Variants in CDH12 observed in about 807,000 individuals in gnomAD.
CDH12 encodes cadherin 12, also known as cadherin-12.
CDH12 carries 41 observed loss-of-function variants against 74.1 expected under a neutral mutation model. The observed-to-expected ratio is 0.55, with a 90% CI of 0.43 to 0.72. The LOEUF (loss-of-function observed/expected upper bound fraction) is 0.72, where lower values mean the gene tolerates loss of function less well. CDH12 is among the 30% of genes least tolerant of loss of function. The probability of loss-of-function intolerance (pLI) is 0.00; values close to 1 mark genes in which losing one functional copy is unlikely to be tolerated. For missense variants in CDH12, 945 were observed against 977.2 expected, an observed-to-expected ratio of 0.97 and a Z score of 0.44; for synonymous variants, 399 against 355.0, an observed-to-expected ratio of 1.12 and a Z score of -1.39.
intron 1 of CDH12, among the ~76,000 whole-genome samples, chr5:22,767,687 AC>A (rs1435572789): frequency 6.6e-6 from 1 of 152,016 alleles, no homozygotes; most frequent in Non-Finnish European, 1.5e-5. Context: ...CCCTAATTAT[AC>A]CCAGCCACCT....
chr5:22,573,492 C>CA (rs1355374361), intron 1 of CDH12, among the ~76,000 whole-genome samples: 2 of 151,964 alleles, frequency 1.3e-5, no homozygotes, highest in Non-Finnish European at 2.9e-5. Context: ...AGCACACACA[C>CA]AAAAAATAAT....
At chr5:22,072,573 C>A (rs1283740986) in intron 5 of CDH12, among the ~76,000 whole-genome samples, 1 of 145,584 alleles carries the variant, frequency 6.9e-6, no homozygotes, top group African/African-American at 2.5e-5. Context: ...TGTGTTTAGG[C>A]TTTTATTATT....
chr5:22,288,410 A>ATTTG (rs1242535871), intron 3 of CDH12, among the ~76,000 whole-genome samples: 15 of 152,204 alleles, frequency 9.9e-5, no homozygotes, highest in Non-Finnish European at 2.2e-4. Flanking sequence ...GCTGCTTCAA[A>ATTTG]ACATTGTCAT....
intron 3 of CDH12, among the ~76,000 whole-genome samples, chr5:22,357,999 ATTG>A (rs1484562458): frequency 1.3e-5 from 2 of 152,192 alleles, no homozygotes; most frequent in Non-Finnish European, 2.9e-5. Flanking sequence ...TATGATTAAT[ATTG>A]TTAACTCCAG....
At chr5:22,040,117 C>T in intron 5 of CDH12, among the ~76,000 whole-genome samples, 1 of 151,648 alleles carries the variant, frequency 6.6e-6, no homozygotes, top group Non-Finnish European at 1.5e-5. Context: ...AGATAGATAT[C>T]ATAAAAAAGA....
intron 1 of CDH12, among the ~76,000 whole-genome samples, chr5:22,559,413 A>G (rs1267286740): frequency 2.0e-5 from 3 of 152,140 alleles, no homozygotes; most frequent in Non-Finnish European, 4.4e-5. Flanking sequence ...ACAGCAATGT[A>G]AAAGTTTTGA....
intron 4 of CDH12, among the ~76,000 whole-genome samples, chr5:22,170,435 C>T (rs576769058): frequency 1.3e-5 from 2 of 151,754 alleles, no homozygotes; most frequent in Non-Finnish European, 3.0e-5. Flanking sequence ...AACAACAATC[C>T]TAAATTGTAG....
intron 5 of CDH12, among the ~76,000 whole-genome samples, chr5:22,015,060 C>T (rs1053107471): frequency 2.6e-5 from 4 of 152,038 alleles, no homozygotes; most frequent in African/African-American, 7.2e-5. Flanking sequence ...GGAAATTTCT[C>T]AAAGATTTAA....
intron 2 of CDH12, among the ~76,000 whole-genome samples, chr5:22,439,752 C>T (rs1357092832): frequency 6.6e-6 from 1 of 151,960 alleles, no homozygotes; most frequent in African/African-American, 2.4e-5. Context: ...ATAAAAATCC[C>T]CCATGAAAAG....
At chr5:22,350,897 G>C (rs1740331757) in intron 3 of CDH12, among the ~76,000 whole-genome samples, 1 of 152,204 alleles carries the variant, frequency 6.6e-6, no homozygotes, top group African/African-American at 2.4e-5. Flanking sequence ...ACATCTAGCA[G>C]AGGAGTAGAG....
chr5:21,932,585 AAAAAATAAAAAT>A (rs1342655574), intron 6 of CDH12, among the ~76,000 whole-genome samples: 1 of 152,072 alleles, frequency 6.6e-6, no homozygotes, highest in Non-Finnish European at 1.5e-5. Flanking sequence ...CACATCATTC[AAAAAATAAAAAT>A]AAAAATAAAA....
intron 3 of CDH12, among the ~76,000 whole-genome samples, chr5:22,392,555 C>G (rs1742289654): frequency 6.6e-6 from 1 of 152,160 alleles, no homozygotes; most frequent in South Asian, 2.1e-4. Context: ...ATGGTAAGCA[C>G]TATTCAAATG....
In CDH12 at chr5:21,856,572, G is replaced by T. The variant is rs1175423225; in HGVS notation, c.527-1782C>A. Among the ~76,000 whole-genome samples the T allele has an allele frequency of 5.3e-5, 8 of 151,528 alleles. No individual in the cohort carries two copies. In the East Asian group the frequency reaches 1.2e-3, roughly 22 times the overall value. On this transcript the variant is annotated intron_variant, in intron 6 of 14. Coordinates refer to ENST00000382254, the MANE Select transcript of CDH12 (RefSeq NM_004061.5). ...AATACCGTATTGCAATTTATAGTCGGGAAAATAAAGATGAACACGTATTGT... is the reference window on the plus strand; with the variant it reads ...AATACCGTATTGCAATTTATAGTCGTGAAAATAAAGATGAACACGTATTGT...
intron 2 of CDH12, among the ~76,000 whole-genome samples, chr5:22,409,206 G>A (rs1743078686): frequency 3.3e-5 from 5 of 151,988 alleles, no homozygotes; most frequent in Admixed American, 3.3e-4. Context: ...TTCCAAAAGA[G>A]CCAAGCCTCT....
At chr5:22,315,833 C>G (rs1024736298) in intron 3 of CDH12, among the ~76,000 whole-genome samples, 8 of 152,036 alleles carry the variant, frequency 5.3e-5, no homozygotes, top group Non-Finnish European at 1.0e-4. Flanking sequence ...GAATTAGTGG[C>G]TGCATTGCCA....
intron 2 of CDH12, among the ~76,000 whole-genome samples, chr5:22,443,898 G>T (rs1744720502): frequency 6.6e-6 from 1 of 151,850 alleles, no homozygotes; most frequent in Admixed American, 6.6e-5. Context: ...ATTTACACAT[G>T]CATATGTACT....
chr5:22,095,811 T>A (rs1743735276), intron 4 of CDH12, among the ~76,000 whole-genome samples: 1 of 150,928 alleles, frequency 6.6e-6, no homozygotes, highest in Admixed American at 6.6e-5. Flanking sequence ...TGTGCTCTGA[T>A]CCCTTACTTC....
intron 1 of CDH12, among the ~76,000 whole-genome samples, chr5:22,600,685 A>G (rs541650989): frequency 7.2e-5 from 11 of 151,774 alleles, no homozygotes; most frequent in Non-Finnish European, 1.6e-4. Flanking sequence ...ATAATGCCAG[A>G]TTTTTCCTTT....
intron 5 of CDH12, among the ~76,000 whole-genome samples, chr5:21,981,809 C>T (rs1336631873): frequency 6.6e-6 from 1 of 151,796 alleles, no homozygotes; most frequent in Non-Finnish European, 1.5e-5. Flanking sequence ...GCAGGGATTA[C>T]AGGCACAGAC....
Sources: gnomAD v4.1 joint callset for allele counts (sites outside exome capture counted in the v4.1 genomes callset) on GRCh38, gnomAD v4.1.1 for gene constraint, MANE v1.5 for transcripts, NCBI Gene and HGNC (gene_info 2026-07-23, HGNC 2026-07-21) for gene names.